Variants in RSPO2 observed in about 807,000 individuals in gnomAD.
The protein encoded by RSPO2 is R-spondin 2, also known as R-spondin-2.
RSPO2 carries 14 observed loss-of-function variants against 30.9 expected under a neutral mutation model. That is an observed-to-expected ratio of 0.45 (90% CI 0.30 to 0.71). The LOEUF (loss-of-function observed/expected upper bound fraction) is 0.71. Ranked by LOEUF, RSPO2 falls within the 30% of genes least tolerant of loss-of-function variation. The probability of loss-of-function intolerance (pLI) is 0.08; values close to 1 mark genes in which losing one functional copy is unlikely to be tolerated. For synonymous variants in RSPO2, 107 were observed against 96.4 expected (o/e 1.11, Z -0.64); for missense variants, 264 against 301.9 (o/e 0.87, Z 0.93).
intron 2 of RSPO2, among the ~76,000 whole-genome samples, chr8:108,053,143 G>C (rs1468497582): frequency 6.6e-6 from 1 of 152,070 alleles, no homozygotes; most frequent in Non-Finnish European, 1.5e-5. Context: ...TACAACCTCG[G>C]TTACCTGCTG....
intron 2 of RSPO2, chr8:107,997,192 G>A (rs1242033324): frequency 5.1e-6 from 1 of 196,162 alleles, no homozygotes; most frequent in South Asian, 8.5e-5. Context: ...AATTCCACAA[G>A]AACTTCTCCA....
chr8:107,918,966 A>C (rs1355073631), intron 5 of RSPO2, among the ~76,000 whole-genome samples: 1 of 152,160 alleles, frequency 6.6e-6, no homozygotes. Context: ...TCCCAAAACT[A>C]ATGTTTTCAA....
At chr8:107,903,989 G>T (rs192668796) in intron 5 of RSPO2, among the ~76,000 whole-genome samples, 4 of 151,414 alleles carry the variant, frequency 2.6e-5, no homozygotes, top group Non-Finnish European at 5.9e-5. Flanking sequence ...ATACAGAAAG[G>T]GTCTTTCATA....
intron 2 of RSPO2, among the ~76,000 whole-genome samples, chr8:108,045,551 A>G (rs1317911220): frequency 6.6e-6 from 1 of 152,142 alleles, no homozygotes; most frequent in Admixed American, 6.6e-5. Context: ...TGTTTATTAT[A>G]TAATATGATA....
chr8:107,929,969 A>C (rs964474197), intron 5 of RSPO2, among the ~76,000 whole-genome samples: 2 of 152,192 alleles, frequency 1.3e-5, no homozygotes, highest in African/African-American at 2.4e-5. Flanking sequence ...TACTTAGTTT[A>C]AGATTTTCAG....
rs1353366105 is a variant in RSPO2 at position 107,966,611 on chromosome 8, G to A, written c.284-5794C>T. 2.0e-5 allele frequency among the ~76,000 whole-genome samples: 3 copies of A among 152,266 alleles called. No homozygotes were observed. The East Asian group carries it at 5.8e-4, about 29-fold the overall frequency. ...TGGAAGAGAAGATGGAAAACTGAGAGAAGCCAAAGATCATGCAACTATCCT... is the reference window on the plus strand; with the variant it reads ...TGGAAGAGAAGATGGAAAACTGAGAAAAGCCAAAGATCATGCAACTATCCT... On this transcript the variant is annotated intron_variant, in intron 3 of 5. Coordinates refer to ENST00000276659, the MANE Select transcript of RSPO2 (RefSeq NM_178565.5).
At chr8:108,053,693 A>G (rs1049500664) in intron 2 of RSPO2, among the ~76,000 whole-genome samples, 1 of 152,332 alleles carries the variant, frequency 6.6e-6, no homozygotes, top group East Asian at 1.9e-4. Context: ...ACATGACTTA[A>G]TATGTGATTA....
chr8:107,940,466 T>C (rs928796066), intron 5 of RSPO2, among the ~76,000 whole-genome samples: 4 of 152,156 alleles, frequency 2.6e-5, no homozygotes, highest in Admixed American at 2.0e-4. Context: ...AAAACACTAG[T>C]AAAGCTACCC....
intron 2 of RSPO2, among the ~76,000 whole-genome samples, chr8:108,061,370 G>A (rs576281364): frequency 4.0e-5 from 6 of 151,856 alleles, no homozygotes; most frequent in South Asian, 2.1e-4. Context: ...ACAAAAAAAG[G>A]AAGGGGTTGC....
intron 2 of RSPO2, among the ~76,000 whole-genome samples, chr8:108,049,231 A>G (rs1028509192): frequency 6.6e-6 from 1 of 152,060 alleles, no homozygotes; most frequent in African/African-American, 2.4e-5. Flanking sequence ...CATGTACCCT[A>G]GAACTTAAAG....
chr8:108,004,472 T>G (rs1242143371), intron 2 of RSPO2, among the ~76,000 whole-genome samples: 1 of 152,180 alleles, frequency 6.6e-6, no homozygotes, highest in East Asian at 1.9e-4. Context: ...ACCACTCAAA[T>G]GATCAAAACT....
intron 2 of RSPO2, among the ~76,000 whole-genome samples, chr8:108,039,522 A>G (rs1301148983): frequency 6.6e-6 from 1 of 152,180 alleles, no homozygotes; most frequent in African/African-American, 2.4e-5. Context: ...GCTTAGAATA[A>G]AAGAATGCTT....
At chr8:107,931,574 G>A (rs371085119) in intron 5 of RSPO2, among the ~76,000 whole-genome samples, 6 of 152,088 alleles carry the variant, frequency 3.9e-5, no homozygotes, top group Non-Finnish European at 7.4e-5. Flanking sequence ...GTCTGTGGAC[G>A]TCCAGTTACA....
At chr8:107,954,333 A>G (rs533524717) in intron 5 of RSPO2, among the ~76,000 whole-genome samples, 4 of 152,308 alleles carry the variant, frequency 2.6e-5, no homozygotes, top group Admixed American at 2.6e-4. Context: ...GCATGTTTAT[A>G]CTTTTGTATT....
At chr8:107,974,444 G>A (rs1199007432) in intron 3 of RSPO2, among the ~76,000 whole-genome samples, 1 of 152,200 alleles carries the variant, frequency 6.6e-6, no homozygotes, top group Non-Finnish European at 1.5e-5. Context: ...AGCCTGAGAG[G>A]TCGAGGCTAC....
At chr8:107,979,128 C>A (rs1814330464) in intron 3 of RSPO2, among the ~76,000 whole-genome samples, 1 of 152,144 alleles carries the variant, frequency 6.6e-6, no homozygotes, top group Non-Finnish European at 1.5e-5. Flanking sequence ...TGTGGTGATT[C>A]CTCAGGGATC....
At chr8:107,934,139 A>G (rs1429639021) in intron 5 of RSPO2, among the ~76,000 whole-genome samples, 1 of 152,236 alleles carries the variant, frequency 6.6e-6, no homozygotes, top group East Asian at 1.9e-4. Flanking sequence ...AAGATGTCGT[A>G]AGGCTAGTAC....
chr8:108,062,562 G>T (rs1313633634), intron 2 of RSPO2, among the ~76,000 whole-genome samples: 1 of 151,770 alleles, frequency 6.6e-6, no homozygotes, highest in Non-Finnish European at 1.5e-5. Flanking sequence ...ACCAAAAAAA[G>T]TCCAGGACCA....
At chr8:108,061,520 C>G (rs965122742) in intron 2 of RSPO2, among the ~76,000 whole-genome samples, 1 of 151,744 alleles carries the variant, frequency 6.6e-6, no homozygotes, top group African/African-American at 2.4e-5. Context: ...TACGGGAGCA[C>G]CCAGATTCAT....
Sources: allele counts gnomAD v4.1 joint callset (sites outside exome capture counted in the v4.1 genomes callset), GRCh38; gene constraint gnomAD v4.1.1; transcripts MANE v1.5; gene names NCBI Gene and HGNC (gene_info 2026-07-23, HGNC 2026-07-21).